Variants in EMC8 observed in about 807,000 individuals in gnomAD.
The protein encoded by EMC8 is ER membrane protein complex subunit 8, also known as COX4 neighbor.
A neutral mutation model predicts 24.3 loss-of-function variants in EMC8; 11 were observed. The ratio of observed to expected loss-of-function variants is 0.45; its 90% CI spans 0.28 to 0.75. The LOEUF (loss-of-function observed/expected upper bound fraction) is 0.75, where lower values mean the gene tolerates loss of function less well. Among genes scored for constraint, EMC8 ranks in the 30% least tolerant of loss-of-function variants. EMC8 has a pLI of 0.12. For synonymous variants in EMC8, 145 were observed against 117.7 expected (o/e 1.23, Z -1.50); for missense variants, 277 against 282.7 (o/e 0.98, Z 0.14).
At chr16:85,779,958 T>C in intron 4 of EMC8, 91 bp from the exon 5 acceptor site, 2 of 1,040,692 alleles carry the variant, frequency 1.9e-6, no homozygotes, top group Non-Finnish European at 2.9e-6. Flanking sequence ...ACATGCACAG[T>C]GGTATGAACA....
At chr16:85,779,989 G>A in intron 4 of EMC8, 122 bp from the exon 5 acceptor site, 1 of 768,968 alleles carries the variant, frequency 1.3e-6, no homozygotes, top group Non-Finnish European at 2.2e-6. Context: ...AGAGTACTGA[G>A]AAACATGTGC....
rs940457939 is a variant in EMC8, at chr16:85,779,641, A to T, written c.*67T>A. ...ACAGGCTACAAGATATTTTATTTAC[A>T]TTTAAAAATAGGTTTTCTTCTTCAA... On this transcript the variant is annotated 3_prime_UTR_variant, in exon 5 of 5. Coordinates refer to ENST00000253457, the MANE Select transcript of EMC8 (RefSeq NM_006067.5). The T allele has an allele frequency of 3.3e-6, 5 of 1,509,948 alleles. No individual in the cohort carries two copies. The African/African-American group carries it at 4.1e-5, about 12-fold the overall frequency. 93.5% of individuals were successfully genotyped at this position (1,509,948 alleles called of 1,614,324 possible). A position where few individuals can be genotyped will look rare whatever the true frequency, so the allele number is the denominator to read the frequency against.
chr16:85,790,315 G>A (rs570689583), intron 1 of EMC8, among the ~76,000 whole-genome samples: 25 of 152,282 alleles, frequency 1.6e-4, no homozygotes, highest in Admixed American at 7.8e-4. Flanking sequence ...GCCTTGCACA[G>A]GATTAGGATA....
At chr16:85,788,181 C>T (rs1219212230) in intron 2 of EMC8, among the ~76,000 whole-genome samples, 1 of 152,264 alleles carries the variant, frequency 6.6e-6, no homozygotes. Context: ...CATGTACTGA[C>T]TGCTCTGGGC....
At chr16:85,788,882 G>C in intron 2 of EMC8, 92 bp downstream of exon 2, 3 of 883,520 alleles carry the variant, frequency 3.4e-6, no homozygotes, top group Non-Finnish European at 3.9e-6. Context: ...AGGTCTCACA[G>C]GTTTCGTATC....
At chr16:85,794,622 A>G (rs6540211) in intron 1 of EMC8, among the ~76,000 whole-genome samples, 125,243 of 152,192 alleles carry the variant, frequency 0.82, 52,138 homozygotes, top group African/African-American at 0.89. Context: ...CTGAGAGGCC[A>G]AGGTTGCAGC....
chr16:85,788,914 A>G (rs1904877526), intron 2 of EMC8, 60 bp downstream of exon 2: 6 of 1,202,308 alleles, frequency 5.0e-6, no homozygotes, highest in Admixed American at 1.7e-5. Flanking sequence ...CACACGAGAG[A>G]CGGGGTCTGC....
At chr16:85,784,663 G>A (rs1034237476) in intron 2 of EMC8, 1 of 152,162 alleles carries the variant, frequency 6.6e-6, no homozygotes, top group Non-Finnish European at 1.5e-5. Context: ...ACCAGGACTC[G>A]GTGGGCGCCA....
intron 3 of EMC8, 146 bp downstream of exon 3, chr16:85,781,065 C>T: frequency 1.6e-6 from 1 of 629,008 alleles, no homozygotes; most frequent in Non-Finnish European, 2.9e-6. Context: ...TGGTCTGCAG[C>T]TGAGAGAAAA....
chr16:85,790,341 G>A (rs1258662845), intron 1 of EMC8, among the ~76,000 whole-genome samples: 1 of 152,118 alleles, frequency 6.6e-6, no homozygotes, highest in Non-Finnish European at 1.5e-5. Context: ...GGCCTCCTAA[G>A]AGTTCACGAA....
chr16:85,796,735 C>T (rs914041676), intron 1 of EMC8, among the ~76,000 whole-genome samples: 3 of 152,170 alleles, frequency 2.0e-5, no homozygotes, highest in Non-Finnish European at 4.4e-5. Flanking sequence ...GAATGTTCTC[C>T]CTCCATCCCC....
intron 1 of EMC8, 53 bp from the exon 2 acceptor site, chr16:85,789,103 A>C: frequency 3.3e-6 from 4 of 1,214,108 alleles, no homozygotes; most frequent in Non-Finnish European, 4.9e-6. Flanking sequence ...CTTAAATATC[A>C]AGTCGTAAAA....
chr16:85,792,162 C>G (rs375703655), intron 1 of EMC8, among the ~76,000 whole-genome samples: 12 of 152,162 alleles, frequency 7.9e-5, no homozygotes, highest in Admixed American at 5.2e-4. Flanking sequence ...TCTCAGAGCA[C>G]AGAAACCACC....
rs992640615 is a variant in EMC8, at chr16:85,779,452, T to C, written c.*256A>G. ...CAATCTTGCACAAGCAGAAAGAGCTTTGATTTGGAGGATTATAGCAACATA... is the reference window on the plus strand; with the variant it reads ...CAATCTTGCACAAGCAGAAAGAGCTCTGATTTGGAGGATTATAGCAACATA... On this transcript the variant is annotated 3_prime_UTR_variant, in exon 5 of 5. Coordinates refer to ENST00000253457, the MANE Select transcript of EMC8 (RefSeq NM_006067.5). 1.4e-4 allele frequency: 52 copies of C among 362,482 alleles called. No individual in the cohort carries two copies. The highest frequency in any genetic ancestry group is 2.6e-4 in the African/African-American group (13 of 49,194). The allele number at this position is 362,482 out of a possible 1,614,324, so 22.5% of individuals were successfully genotyped here.
chr16:85,790,666 G>A (rs1039800644), intron 1 of EMC8, among the ~76,000 whole-genome samples: 5 of 152,106 alleles, frequency 3.3e-5, no homozygotes, highest in Non-Finnish European at 7.3e-5. Context: ...ATCATGGGCC[G>A]GCCTCCTGAG....
intron 1 of EMC8, among the ~76,000 whole-genome samples, chr16:85,794,355 A>G (rs1002500780): frequency 6.6e-6 from 1 of 152,128 alleles, no homozygotes; most frequent in Non-Finnish European, 1.5e-5. Flanking sequence ...TGTCTTTTTC[A>G]TATTTGCCCA....
intron 2 of EMC8, among the ~76,000 whole-genome samples, chr16:85,782,756 C>T (rs1339625177): frequency 2.0e-5 from 3 of 152,150 alleles, no homozygotes; most frequent in Non-Finnish European, 4.4e-5. Flanking sequence ...CTGCTACCCC[C>T]TCAAAAGCCT....
At chr16:85,789,229 C>G (rs1394478356) in intron 1 of EMC8, among the ~76,000 whole-genome samples, 179 bp from the exon 2 acceptor site, 3 of 152,138 alleles carry the variant, frequency 2.0e-5, no homozygotes, top group Non-Finnish European at 2.9e-5. Context: ...AAGGGCAGGA[C>G]TTTGAACATA....
chr16:85,788,513 TAAAGGA>T (rs1289446319), intron 2 of EMC8, among the ~76,000 whole-genome samples: 1 of 152,160 alleles, frequency 6.6e-6, no homozygotes, highest in Non-Finnish European at 1.5e-5. Context: ...AGGATCTGGA[TAAAGGA>T]AAAGAAAGAA....
Sources: gnomAD v4.1 joint callset for allele counts (sites outside exome capture counted in the v4.1 genomes callset) on GRCh38, gnomAD v4.1.1 for gene constraint, MANE v1.5 for transcripts, NCBI Gene and HGNC (gene_info 2026-07-23, HGNC 2026-07-21) for gene names.